Variants in OSBPL6 observed in about 807,000 individuals in gnomAD.
The protein encoded by OSBPL6 is oxysterol binding protein like 6.
A neutral mutation model predicts 125.8 loss-of-function variants in OSBPL6; 49 were observed. The observed-to-expected ratio is 0.39, with a 90% CI of 0.31 to 0.49. The LOEUF is 0.49. Ranked by LOEUF, OSBPL6 falls within the 20% of genes least tolerant of loss-of-function variation. The probability of loss-of-function intolerance (pLI) is 0.88; values close to 1 mark genes in which losing one functional copy is unlikely to be tolerated. For missense variants in OSBPL6, 986 were observed against 1,135.4 expected (o/e 0.87, Z 1.89); for synonymous variants, 394 against 391.8 (o/e 1.01, Z -0.07).
At chr2:178,241,441 G>T (rs2091289331) in intron 1 of OSBPL6, among the ~76,000 whole-genome samples, 1 of 146,914 alleles carries the variant, frequency 6.8e-6, no homozygotes. Flanking sequence ...TCTGAGACAT[G>T]GTCTCATTCT....
intron 19 of OSBPL6, among the ~76,000 whole-genome samples, chr2:178,386,146 G>A (rs576282059): frequency 6.6e-6 from 1 of 152,296 alleles, no homozygotes; most frequent in South Asian, 2.1e-4. Flanking sequence ...CTCACAGAAT[G>A]ACTTCTCATG....
chr2:178,395,916 A>G lies in OSBPL6; in HGVS notation c.*357A>G, dbSNP rs1344249916. On this transcript the variant is annotated 3_prime_UTR_variant, in exon 25 of 25. Coordinates refer to ENST00000190611, the MANE Select transcript of OSBPL6 (RefSeq NM_032523.4). Reference sequence around the variant, plus strand: ...TGCTTAAAGCTGATCAAGAAAGTTAACAACAACATAGAAACCACACGATTG... The same window carrying G: ...TGCTTAAAGCTGATCAAGAAAGTTAGCAACAACATAGAAACCACACGATTG... 5.0e-6 allele frequency: 2 copies of G among 399,646 alleles called. No homozygotes were observed. The highest frequency in any genetic ancestry group is 9.6e-6 in the Non-Finnish European group (2 of 208,082). The allele number at this position is 399,646 out of a possible 1,614,324, so 24.8% of individuals were successfully genotyped here.
rs954243433 is a variant in OSBPL6 at position 178,332,872 on chromosome 2, T to C, written c.488T>C (p.Val163Ala). 4 of 1,610,258 alleles carry C rather than the reference T, an allele frequency of 2.5e-6. No homozygotes were observed. The African/African-American group carries it at 4.0e-5, about 16-fold the overall frequency. ...DTEEHIYHLK[V>A]KSQDWFDAWV... ...TTCTCCTCTCGTTCATTGTTTTAGG[T>C]GAAATCCCAGGACTGGTTTGATGCA... Residue 163 changes from valine (V) to alanine (A), a missense_variant and splice_region_variant, in exon 8 of 25, where the codon GTG becomes GCG. Physicochemically the swap from Val to Ala is moderately conservative, Grantham distance 64. Around this residue, in one of 3 missense-constraint regions of OSBPL6, gnomAD observed 843 missense variants for 997.3 expected, o/e 0.85. Transcript: ENST00000190611.
At chr2:178,392,920 T>G (rs1231623348) in intron 23 of OSBPL6, among the ~76,000 whole-genome samples, 2 of 151,830 alleles carry the variant, frequency 1.3e-5, no homozygotes, top group African/African-American at 2.4e-5. Context: ...TGTGACTTAT[T>G]TTTACTACCA....
chr2:178,394,523 G>A, intron 24 of OSBPL6, 88 bp downstream of exon 24: 2 of 1,431,542 alleles, frequency 1.4e-6, no homozygotes, highest in South Asian at 2.7e-5. Context: ...AAAATAAAAT[G>A]GGTAAATGGA....
intron 13 of OSBPL6, among the ~76,000 whole-genome samples, chr2:178,362,702 G>A (rs1176280480): frequency 6.6e-6 from 1 of 152,132 alleles, no homozygotes; most frequent in Non-Finnish European, 1.5e-5. Context: ...GACTTACACC[G>A]TGTCACCGTG....
At chr2:178,210,825 CA>C (rs2153954934) in intron 1 of OSBPL6, among the ~76,000 whole-genome samples, 1 of 89,288 alleles carries the variant, frequency 1.1e-5, no homozygotes, top group African/African-American at 4.5e-5. Context: ...AAAAAAAAAA[CA>C]CACACACACA....
chr2:178,336,359 C>A lies in OSBPL6; in HGVS notation c.716C>A (p.Ala239Glu). 1 of 1,614,104 alleles carries A rather than the reference C, an allele frequency of 6.2e-7. No homozygotes were observed. Among genetic ancestry groups the A allele is most frequent in the Non-Finnish European group, 8.5e-7 (1 of 1,180,008 alleles). ...SPLPCSNSLPATCTTGQSKVA... is the reference protein window; with the variant it reads ...SPLPCSNSLPETCTTGQSKVA... Reference sequence around the variant, plus strand: ...TTACCATGCAGCAATAGCCTCCCTGCAACGTGCACAACTGGCCAGAGTAAA... The same window carrying A: ...TTACCATGCAGCAATAGCCTCCCTGAAACGTGCACAACTGGCCAGAGTAAA... Residue 239 changes from alanine to glutamate, a missense_variant, in exon 9 of 25, where the codon GCA becomes GAA. Around this residue, in one of 3 missense-constraint regions of OSBPL6, gnomAD observed 843 missense variants for 997.3 expected, o/e 0.85. Coordinates refer to ENST00000190611, the MANE Select transcript of OSBPL6 (RefSeq NM_032523.4).
intron 2 of OSBPL6, among the ~76,000 whole-genome samples, chr2:178,302,198 C>T (rs1268859044): frequency 6.6e-6 from 1 of 152,126 alleles, no homozygotes; most frequent in African/African-American, 2.4e-5. Context: ...CTTAGCAATA[C>T]TTGTAGTGTT....
At chr2:178,257,655 G>T (rs1200287389) in intron 1 of OSBPL6, among the ~76,000 whole-genome samples, 1 of 152,122 alleles carries the variant, frequency 6.6e-6, no homozygotes, top group African/African-American at 2.4e-5. Context: ...AGGTTATTTT[G>T]AATAAGGTGT....
At position 178,383,356 on chromosome 2, in the gene OSBPL6, T is replaced by C. The variant is rs2276621; in HGVS notation, c.1875+79T>C. 1.0e-4 allele frequency: 155 copies of C among 1,507,120 alleles called. No homozygotes were observed. The East Asian group carries it at 3.6e-3, about 35-fold the overall frequency. The allele number at this position is 1,507,120 out of a possible 1,614,324, so 93.4% of individuals were successfully genotyped here. A position where few individuals can be genotyped will look rare whatever the true frequency, so the allele number is the denominator to read the frequency against. Reference sequence around the variant, plus strand: ...TGGGCTAAGCCAGAATTCATTATGATATATTTGGCATTTGCATAATATTCT... The same window carrying C: ...TGGGCTAAGCCAGAATTCATTATGACATATTTGGCATTTGCATAATATTCT... On this transcript the variant is annotated intron_variant, in intron 17 of 24. Transcript: ENST00000190611.
chr2:178,222,495 T>C (rs1028231459), intron 1 of OSBPL6, among the ~76,000 whole-genome samples: 12 of 152,046 alleles, frequency 7.9e-5, no homozygotes, highest in Admixed American at 3.9e-4. Context: ...TACAAAAAAT[T>C]AGCTGGGTGA....
intron 1 of OSBPL6, among the ~76,000 whole-genome samples, chr2:178,244,354 T>C (rs1286559301): frequency 6.6e-6 from 1 of 152,218 alleles, no homozygotes; most frequent in Non-Finnish European, 1.5e-5. Context: ...TTCTCACATT[T>C]AATATTTGTA....
intron 12 of OSBPL6, among the ~76,000 whole-genome samples, chr2:178,349,785 C>T (rs1167089604): frequency 6.6e-6 from 1 of 152,078 alleles, no homozygotes; most frequent in Non-Finnish European, 1.5e-5. Flanking sequence ...ATTTGTGGGT[C>T]GGGAATTCAG....
In OSBPL6 at chr2:178,309,997, G is replaced by A. The variant is rs553261508; in HGVS notation, c.102+3711G>A. ...TGTGCATTACAAAATTAAGGACACCGATAAGTCCCGAAGTAAGAACTTTTT... is the reference window on the plus strand; with the variant it reads ...TGTGCATTACAAAATTAAGGACACCAATAAGTCCCGAAGTAAGAACTTTTT... On this transcript the variant is annotated intron_variant, in intron 3 of 24. Transcript: ENST00000190611. 6.6e-5 allele frequency among the ~76,000 whole-genome samples: 10 copies of A among 152,334 alleles called. No homozygotes were observed. In the South Asian group the frequency reaches 1.7e-3, roughly 25 times the overall value.
intron 11 of OSBPL6, among the ~76,000 whole-genome samples, chr2:178,347,086 C>T (rs7576065): frequency 0.14 from 21,671 of 151,974 alleles, 1,675 homozygotes; most frequent in Admixed American, 0.22. Flanking sequence ...TTCTTCTCAG[C>T]ATCTGACTCC....
chr2:178,381,751 C>T (rs1694498637), intron 15 of OSBPL6, among the ~76,000 whole-genome samples: 1 of 152,200 alleles, frequency 6.6e-6, no homozygotes, highest in African/African-American at 2.4e-5. Context: ...AAATCTGACT[C>T]CAACATCCTG....
chr2:178,286,013 C>A (rs991474828), intron 2 of OSBPL6, among the ~76,000 whole-genome samples: 1 of 152,162 alleles, frequency 6.6e-6, no homozygotes, highest in African/African-American at 2.4e-5. Context: ...TTAGTGTAAT[C>A]ATTGTTATAT....
chr2:178,282,611 A>G (rs544939539), intron 1 of OSBPL6, among the ~76,000 whole-genome samples: 2 of 152,226 alleles, frequency 1.3e-5, no homozygotes, highest in Admixed American at 1.3e-4. Flanking sequence ...AGAGTTCATC[A>G]TAGGAAGGAG....
Sources: allele counts gnomAD v4.1 joint callset (sites outside exome capture counted in the v4.1 genomes callset), GRCh38; gene constraint gnomAD v4.1.1; regional missense constraint gnomAD v4.1.1; transcripts MANE v1.5; gene names NCBI Gene and HGNC (gene_info 2026-07-23, HGNC 2026-07-21).